The following HADH variants were observed in gnomAD, a reference collection of about 807,000 sequenced individuals.
The protein encoded by HADH is hydroxyacyl-CoA dehydrogenase.
In HADH, 24 loss-of-function variants were observed where a neutral mutation model predicts 32.2. The ratio of observed to expected loss-of-function variants is 0.75; its 90% confidence interval spans 0.54 to 1.05. HADH has a LOEUF of 1.05. Ranked by LOEUF, HADH falls within the 50% of genes least tolerant of loss-of-function variation. The probability of loss-of-function intolerance (pLI) is 0.00; values close to 1 mark genes in which losing one functional copy is unlikely to be tolerated. For synonymous variants in HADH, 139 were observed against 152.5 expected (o/e 0.91, Z 0.65); for missense variants, 350 against 397.1 (o/e 0.88, Z 1.01).
chr4:107,990,139 C>T, intron 1 of HADH, 75 bp downstream of exon 1: 1 of 1,465,346 alleles, frequency 6.8e-7, no homozygotes, highest in Non-Finnish European at 9.2e-7. Flanking sequence ...CGCGACCGGC[C>T]GCGAGGGGCC....
At chr4:107,997,584 A>G (rs1487451800) in intron 1 of HADH, among the ~76,000 whole-genome samples, 1 of 152,036 alleles carries the variant, frequency 6.6e-6, no homozygotes, top group African/African-American at 2.4e-5. Flanking sequence ...GTCTAAAAAT[A>G]TTTCCTCTCT....
chr4:107,995,535 G>A (rs1734930207), intron 1 of HADH, among the ~76,000 whole-genome samples: 1 of 139,946 alleles, frequency 7.1e-6, no homozygotes. Flanking sequence ...ATTTATGTGG[G>A]TTGTTGAGAA....
intron 1 of HADH, chr4:108,004,510 C>A: frequency 1.8e-6 from 1 of 547,156 alleles, no homozygotes; most frequent in Non-Finnish European, 2.9e-6. Context: ...TGCCTGGCTT[C>A]CAAGAGAAAC....
At chr4:107,992,543 G>T (rs1218488141) in intron 1 of HADH, among the ~76,000 whole-genome samples, 2 of 152,196 alleles carry the variant, frequency 1.3e-5, no homozygotes, top group Non-Finnish European at 2.9e-5. Context: ...TAGTTGATGT[G>T]TTTTGAGTAC....
intron 1 of HADH, among the ~76,000 whole-genome samples, chr4:108,005,861 A>G: frequency 6.6e-6 from 1 of 152,184 alleles, no homozygotes; most frequent in Non-Finnish European, 1.5e-5. Context: ...AGGAGATTCA[A>G]GATTTTCTCC....
chr4:108,032,582 G>T (rs1736308422), intron 6 of HADH: 2 of 473,604 alleles, frequency 4.2e-6, no homozygotes, highest in African/African-American at 1.9e-5. Flanking sequence ...TTCCAGAGTT[G>T]GAAAATCCCA....
chr4:108,010,834 T>G (rs891915220), intron 2 of HADH, among the ~76,000 whole-genome samples: 1 of 151,792 alleles, frequency 6.6e-6, no homozygotes, highest in Non-Finnish European at 1.5e-5. Context: ...TTGTAACATG[T>G]GTCACAACTT....
At chr4:108,028,679 C>T (rs1408816305) in intron 6 of HADH, 1 of 393,104 alleles carries the variant, frequency 2.5e-6, no homozygotes, top group African/African-American at 2.1e-5. Context: ...TATCTATCAA[C>T]AAATATGCCT....
intron 1 of HADH, chr4:108,005,047 T>C: frequency 8.4e-6 from 5 of 595,982 alleles, no homozygotes; most frequent in Non-Finnish European, 1.4e-5. Flanking sequence ...CCTTCTTTTT[T>C]TCTTTCTTTC....
In HADH at chr4:108,009,977, C is replaced by CTTTTT. The variant is rs11388783; in HGVS notation, c.261+103_261+107dup. 216 of 551,430 alleles carry CTTTTT rather than the reference C, an allele frequency of 3.9e-4. 1 individual carries two copies. The highest frequency in any genetic ancestry group is 4.8e-4 in the African/African-American group (22 of 45,886). The allele number at this position is 551,430 out of a possible 1,614,324, so 34.2% of individuals were successfully genotyped here. A position where few individuals can be genotyped will look rare whatever the true frequency, so the allele number is the denominator to read the frequency against. On this transcript the variant is annotated intron_variant, in intron 2 of 7. Coordinates refer to ENST00000309522, the MANE Select transcript of HADH (RefSeq NM_005327.7). ...GGGGGATTTCTGGCTTTCTTTCTTT[C>CTTTTT]TTTTTTTTTTTTTTTTTCAGTTTGT...
At chr4:108,009,977 C>CTTTTTT in intron 2 of HADH, 90 bp downstream of exon 2, 34 of 552,004 alleles carry the variant, frequency 6.2e-5, no homozygotes, top group East Asian at 2.5e-4. Context: ...TTCTTTCTTT[C>CTTTTTT]TTTTTTTTTT....
intron 6 of HADH, 176 bp from the exon 7 acceptor site, chr4:108,033,000 T>C (rs1736329793): frequency 6.1e-6 from 4 of 659,002 alleles, no homozygotes; most frequent in Non-Finnish European, 8.3e-6. Context: ...CAAAGTCTTA[T>C]GACCTCTTTG....
chr4:108,003,708 T>G (rs1560724947), intron 1 of HADH, among the ~76,000 whole-genome samples: 2 of 151,722 alleles, frequency 1.3e-5, no homozygotes, highest in Admixed American at 6.6e-5. Context: ...TCAGAAGATG[T>G]GAGATCAAAA....
intron 1 of HADH, among the ~76,000 whole-genome samples, chr4:107,994,426 C>T (rs1578241309): frequency 6.6e-6 from 1 of 152,212 alleles, no homozygotes; most frequent in South Asian, 2.1e-4. Context: ...TTTGTTCTCT[C>T]ATCTCTTCTT....
At chr4:108,010,541 T>C (rs1294158083) in intron 2 of HADH, among the ~76,000 whole-genome samples, 1 of 152,220 alleles carries the variant, frequency 6.6e-6, no homozygotes, top group Admixed American at 6.5e-5. Flanking sequence ...ATTGATTTCC[T>C]TGGGGCTTGG....
rs560958206 is a variant in HADH, at chr4:108,004,390, C to G, written c.133-5369C>G. On this transcript the variant is annotated intron_variant, in intron 1 of 7. Transcript: ENST00000309522. ...CCTCTGAGAAGCCAAGTGTTTTTGT[C>G]TGTAACCTTTGATCATTCAAAAGGA... 39 of 321,036 alleles carry G rather than the reference C, an allele frequency of 1.2e-4. 1 individual carries two copies. The highest frequency in any genetic ancestry group is 1.2e-3 in the Admixed American group (26 of 22,324). 19.9% of individuals were successfully genotyped at this position (321,036 alleles called of 1,614,324 possible).
intron 3 of HADH, among the ~76,000 whole-genome samples, chr4:108,017,556 CTT>C (rs201301738): frequency 1.6e-4 from 23 of 144,288 alleles, no homozygotes; most frequent in Non-Finnish European, 2.1e-4. Flanking sequence ...TGTAAGAGTA[CTT>C]TTTTTTTTTT....
At chr4:107,999,135 A>T (rs1445476931) in intron 1 of HADH, among the ~76,000 whole-genome samples, 2 of 152,190 alleles carry the variant, frequency 1.3e-5, no homozygotes, top group Non-Finnish European at 2.9e-5. Flanking sequence ...GTCTGTGGCC[A>T]TCTCTGACCT....
At chr4:108,015,182 T>G (rs1317341965) in intron 3 of HADH, among the ~76,000 whole-genome samples, 1 of 152,158 alleles carries the variant, frequency 6.6e-6, no homozygotes, top group Admixed American at 6.5e-5. Context: ...GTAGTTCTGT[T>G]TTTAGTTTTT....
Sources: gnomAD v4.1 joint callset for allele counts (sites outside exome capture counted in the v4.1 genomes callset) on GRCh38, gnomAD v4.1.1 for gene constraint, MANE v1.5 for transcripts, NCBI Gene and HGNC (gene_info 2026-07-23, HGNC 2026-07-21) for gene names.